The following RAB40B variants were observed in gnomAD, a reference collection of about 807,000 sequenced individuals.
RAB40B encodes the protein ras-related protein Rab-40B.
A neutral mutation model predicts 24.0 loss-of-function variants in RAB40B; 21 were observed. That is an observed-to-expected ratio of 0.88 (90% confidence interval 0.62 to 1.26). The LOEUF is 1.26. Ranked by LOEUF, RAB40B falls within the 50% of genes most tolerant of loss-of-function variation. The pLI is 0.00. For missense variants in RAB40B, 348 were observed against 390.5 expected (o/e 0.89, Z 0.92); for synonymous variants, 167 against 169.8 (o/e 0.98, Z 0.13).
chr17:82,678,879 G>GTTTTTT lies in RAB40B; in HGVS notation c.143-14329_143-14324dup, dbSNP rs35848277. ...TTTGTGAAAGCAGCTCCCTTTCTGC[G>GTTTTTT]TTTTTTTTTTTTTTTTTTTTTGAGA... On this transcript the variant is annotated intron_variant, in intron 1 of 5. Transcript: ENST00000571995. Among the ~76,000 whole-genome samples, 23 of 99,162 alleles carry GTTTTTT rather than the reference G, an allele frequency of 2.3e-4. 2 individuals are homozygous for GTTTTTT. Among genetic ancestry groups the GTTTTTT allele is most frequent in the African/African-American group, 3.9e-4 (10 of 25,574 alleles). 65.1% of individuals were successfully genotyped at this position (99,162 alleles called of 152,430 possible). A position where few individuals can be genotyped will look rare whatever the true frequency, so the allele number is the denominator to read the frequency against.
At position 82,660,982 on chromosome 17, in the gene RAB40B, G is replaced by GTA. The variant is rs762983532; in HGVS notation, c.264+4_264+5insTA. The GTA allele has an allele frequency of 6.2e-7, 1 of 1,613,904 alleles. No individual in the cohort carries two copies. Among genetic ancestry groups the GTA allele is most frequent in the Non-Finnish European group, 8.5e-7 (1 of 1,179,860 alleles). On this transcript the variant is annotated splice_donor_region_variant and intron_variant, in intron 3 of 5. Transcript: ENST00000571995. Reference sequence around the variant, plus strand: ...GATCTCCCAGCTCGGGGGATGCTGTGTTACCTGTGCGCCCCGGGAGTAGGA... The same window carrying GTA: ...GATCTCCCAGCTCGGGGGATGCTGTGTATTACCTGTGCGCCCCGGGAGTAGGA...
Position 82,661,002 on chromosome 17 carries a change from G to A in RAB40B, c.249C>T (p.Tyr83=). The A allele has an allele frequency of 1.9e-6, 3 of 1,614,104 alleles. No individual in the cohort carries two copies. The highest frequency in any genetic ancestry group is 1.7e-5 in the Admixed American group (1 of 60,028). ...GCTGTGTTACCTGTGCGCCCCGGGA[G>A]TAGGAGCGGAATATGGTACAAAATC... is the stretch of plus-strand genomic sequence containing the variant. ...QGRFCTIFRS[Y]SRGAQGVILV... The change falls in exon 3 of 6, where the codon TAC becomes TAT. Residue 83 remains tyrosine, a synonymous_variant. Transcript: ENST00000571995.
chr17:82,668,041 C>G (rs2046279621), intron 1 of RAB40B, among the ~76,000 whole-genome samples: 1 of 152,188 alleles, frequency 6.6e-6, no homozygotes, highest in Non-Finnish European at 1.5e-5. Flanking sequence ...GGTACCCAGA[C>G]AAGTGGAGGG....
intron 1 of RAB40B, among the ~76,000 whole-genome samples, chr17:82,665,595 G>A (rs1212618872): frequency 1.3e-5 from 2 of 152,080 alleles, no homozygotes; most frequent in African/African-American, 2.4e-5. Context: ...GGCTGGATGC[G>A]GTGGCTGACG....
chr17:82,676,404 AGAGT>A (rs1173864090), intron 1 of RAB40B, among the ~76,000 whole-genome samples: 2 of 148,976 alleles, frequency 1.3e-5, no homozygotes, highest in African/African-American at 2.5e-5. Context: ...CCTCACCCAC[AGAGT>A]GAGGGCACCC....
At chr17:82,677,041 C>T (rs1244803494) in intron 1 of RAB40B, among the ~76,000 whole-genome samples, 2 of 151,680 alleles carry the variant, frequency 1.3e-5, no homozygotes, top group East Asian at 1.9e-4. Context: ...CTCCACCTCC[C>T]GGGTTCAAGC....
At chr17:82,683,898 A>G (rs1291040260) in intron 1 of RAB40B, among the ~76,000 whole-genome samples, 1 of 152,108 alleles carries the variant, frequency 6.6e-6, no homozygotes, top group East Asian at 1.9e-4. Context: ...AGGATGGTAG[A>G]TGAGCACAGG....
chr17:82,664,422 G>A (rs1598297983), intron 2 of RAB40B, 74 bp downstream of exon 2: 1 of 1,482,154 alleles, frequency 6.7e-7, no homozygotes, highest in East Asian at 2.3e-5. Context: ...GCACTGTGCT[G>A]ACAGGGGGTG....
chr17:82,678,830 A>C (rs1305486768), intron 1 of RAB40B, among the ~76,000 whole-genome samples: 2 of 149,690 alleles, frequency 1.3e-5, no homozygotes, highest in African/African-American at 4.9e-5. Flanking sequence ...TAAAATGCTC[A>C]CATCTGACTT....
Position 82,668,792 on chromosome 17 carries a change from C to G in RAB40B, c.143-4236G>C, listed in dbSNP as rs191833188. Among the ~76,000 whole-genome samples the G allele has an allele frequency of 5.5e-3, 840 of 152,338 alleles. 4 individuals carry two copies. The highest frequency in any genetic ancestry group is 7.5e-3 in the South Asian group (36 of 4,830). On this transcript the variant is annotated intron_variant, in intron 1 of 5. Transcript: ENST00000571995. ...CTAGAGCTGCCCCAGGGCAGCGGGCCGCGGCACGCAGGGAAGGCGGAGCTG... is the reference window on the plus strand; with the variant it reads ...CTAGAGCTGCCCCAGGGCAGCGGGCGGCGGCACGCAGGGAAGGCGGAGCTG...
In RAB40B at chr17:82,656,997, A is replaced by G. The variant is rs1453195285; in HGVS notation, c.*866T>C. 2 of 152,408 alleles carry G rather than the reference A, an allele frequency of 1.3e-5. No homozygotes were observed. Among genetic ancestry groups the G allele is most frequent in the African/African-American group, 4.8e-5 (2 of 41,462 alleles). 9.4% of individuals were successfully genotyped at this position (152,408 alleles called of 1,614,324 possible). A position where few individuals can be genotyped will look rare whatever the true frequency, so the allele number is the denominator to read the frequency against. Reference sequence around the variant, plus strand: ...CCATTGTACTCCACCCTGGGCAACAAGAGCGAAACTCTGTCTCAAAAATAA... The same window carrying G: ...CCATTGTACTCCACCCTGGGCAACAGGAGCGAAACTCTGTCTCAAAAATAA... On this transcript the variant is annotated 3_prime_UTR_variant, in exon 6 of 6. Transcript: ENST00000571995.
intron 1 of RAB40B, among the ~76,000 whole-genome samples, chr17:82,679,558 G>C (rs1261505814): frequency 1.3e-5 from 2 of 152,086 alleles, no homozygotes; most frequent in African/African-American, 4.8e-5. Flanking sequence ...ATCACAGGTG[G>C]GAGCCACTGC....
intron 1 of RAB40B, among the ~76,000 whole-genome samples, chr17:82,681,175 C>G (rs2046446416): frequency 6.6e-6 from 1 of 151,578 alleles, no homozygotes; most frequent in Non-Finnish European, 1.5e-5. Context: ...ACTCAAAAAA[C>G]ATGAGTTTTT....
In RAB40B at chr17:82,698,683, C is replaced by T. The variant is rs1001513284; in HGVS notation, c.-87G>A. On this transcript the variant is annotated 5_prime_UTR_variant, in exon 1 of 6. Transcript: ENST00000571995. ...CCGGCCCCGAGAGGCGCCGCGCGGG[C>T]CCCGAGTCCTTGCTCGCCTCCGGCC... The T allele has an allele frequency of 2.6e-5, 27 of 1,051,024 alleles. No homozygotes were observed. The highest frequency in any genetic ancestry group is 3.2e-5 in the Non-Finnish European group (27 of 848,172). 65.1% of individuals were successfully genotyped at this position (1,051,024 alleles called of 1,614,324 possible). A position where few individuals can be genotyped will look rare whatever the true frequency, so the allele number is the denominator to read the frequency against.
chr17:82,665,862 G>T (rs1205478712), intron 1 of RAB40B, among the ~76,000 whole-genome samples: 1 of 149,136 alleles, frequency 6.7e-6, no homozygotes, highest in Non-Finnish European at 1.5e-5. Context: ...GGGAGACTCT[G>T]TATCAAAACA....
intron 1 of RAB40B, among the ~76,000 whole-genome samples, chr17:82,665,084 G>C (rs2046238410): frequency 6.6e-6 from 1 of 152,206 alleles, no homozygotes; most frequent in Admixed American, 6.5e-5. Context: ...CCCGCTCTCA[G>C]CTGTGTACAT....
intron 1 of RAB40B, among the ~76,000 whole-genome samples, chr17:82,685,335 GTCC>G (rs1391594121): frequency 6.6e-6 from 1 of 151,658 alleles, no homozygotes; most frequent in African/African-American, 2.4e-5. Context: ...ACACGCAGTG[GTCC>G]TCAACTGTGG....
intron 1 of RAB40B, among the ~76,000 whole-genome samples, chr17:82,688,526 G>C (rs1039963743): frequency 1.9e-4 from 29 of 152,148 alleles, no homozygotes; most frequent in African/African-American, 6.3e-4. Context: ...TGAGGCAGGA[G>C]AAGTGCTTGA....
intron 1 of RAB40B, among the ~76,000 whole-genome samples, chr17:82,693,128 G>C (rs867230604): frequency 1.3e-5 from 2 of 151,880 alleles, no homozygotes; most frequent in African/African-American, 2.4e-5. Context: ...TCAGTCTCCC[G>C]AGTAGCTGGG....
Sources: gnomAD v4.1 joint callset for allele counts (sites outside exome capture counted in the v4.1 genomes callset) on GRCh38, gnomAD v4.1.1 for gene constraint, MANE v1.5 for transcripts, NCBI Gene and HGNC (gene_info 2026-07-23, HGNC 2026-07-21) for gene names.